Variants in NGEF observed in about 807,000 individuals in gnomAD.
NGEF encodes the protein ephexin-1.
Under a neutral mutation model 80.9 loss-of-function variants are expected in NGEF, and 31 were observed. That is an observed-to-expected ratio of 0.38 (90% CI 0.29 to 0.52). The LOEUF (loss-of-function observed/expected upper bound fraction) is 0.52. Ranked by LOEUF, NGEF falls within the 20% of genes least tolerant of loss-of-function variation. The pLI, the probability that NGEF is intolerant of heterozygous loss-of-function variation, is 0.84. For synonymous variants in NGEF, 371 were observed against 370.2 expected (o/e 1.00, Z -0.03); for missense variants, 709 against 926.2 (o/e 0.77, Z 3.04).
chr2:232,993,161 A>ATT (rs1694696242), intron 1 of NGEF, among the ~76,000 whole-genome samples: 1 of 118,190 alleles, frequency 8.5e-6, no homozygotes, highest in South Asian at 2.4e-4. Flanking sequence ...GCAAATATAT[A>ATT]TATATTATAT....
chr2:232,879,783 G>C lies in NGEF; in HGVS notation c.1943-104C>G, dbSNP rs1559187162. 2.8e-6 allele frequency: 3 copies of C among 1,090,846 alleles called. No homozygotes were observed. In the African/African-American group the frequency reaches 4.7e-5, roughly 17 times the overall value. 67.6% of individuals were successfully genotyped at this position (1,090,846 alleles called of 1,614,324 possible). A position where few individuals can be genotyped will look rare whatever the true frequency, so the allele number is the denominator to read the frequency against. On this transcript the variant is annotated intron_variant, in intron 14 of 14. Coordinates refer to ENST00000264051, the MANE Select transcript of NGEF (RefSeq NM_019850.3). The stretch of plus-strand genomic sequence containing the variant: ...CCCCCATCTGTGGCGGGACACTAGG[G>C]GTCCAGCTGGCCTTTCCCAAAAGGC...
intron 1 of NGEF, among the ~76,000 whole-genome samples, chr2:233,002,196 G>A (rs1322242975): frequency 6.6e-6 from 1 of 152,086 alleles, no homozygotes; most frequent in African/African-American, 2.4e-5. Flanking sequence ...GGAGGGACAC[G>A]AGTCAAACGT....
Position 232,882,171 on chromosome 2 carries a change from C to A in NGEF, c.1837+15G>T, listed in dbSNP as rs1423393809. The A allele has an allele frequency of 6.2e-7, 1 of 1,612,092 alleles. No individual in the cohort carries two copies. The highest frequency in any genetic ancestry group is 1.3e-5 in the African/African-American group (1 of 74,890). On this transcript the variant is annotated intron_variant, in intron 13 of 14. Coordinates refer to ENST00000264051, the MANE Select transcript of NGEF (RefSeq NM_019850.3). ...CCAAGGACAAATGGCGCCCCCTTAC[C>A]CACCGGTGACTTACCCAGCAGCCGG...
intron 2 of NGEF, among the ~76,000 whole-genome samples, chr2:232,972,976 C>T (rs1233242280): frequency 1.3e-5 from 2 of 151,980 alleles, no homozygotes; most frequent in Admixed American, 1.3e-4. Context: ...AGGCTGGTCT[C>T]GAACCCCTGA....
rs761214938 is a variant in NGEF at position 232,974,866 on chromosome 2, A to C, written c.25T>G (p.Leu9Val). The change falls in exon 2 of 15, where the codon TTG becomes GTG. Residue 9 changes from leucine (L) to valine (V), a missense_variant. This residue lies in a region of NGEF where 283 missense variants were observed against 303.4 expected (regional missense o/e 0.93). Coordinates refer to ENST00000264051, the MANE Select transcript of NGEF (RefSeq NM_019850.3). Reference sequence around the variant, plus strand: ...GCTGATTTCCTCCGGGTCTTTTCCAAATCTTCAGATTCCCTGGTCTCCATG... The same window carrying C: ...GCTGATTTCCTCCGGGTCTTTTCCACATCTTCAGATTCCCTGGTCTCCATG... The part of the protein sequence containing the change: METRESED[L>V]EKTRRKSASD... 1 of 1,613,758 alleles carries C rather than the reference A, an allele frequency of 6.2e-7. No individual in the cohort carries two copies. Among genetic ancestry groups the C allele is most frequent in the East Asian group, 2.2e-5 (1 of 44,880 alleles).
chr2:232,920,347 A>G lies in NGEF; in HGVS notation c.765T>C (p.Leu255=). 6.2e-7 allele frequency: 1 copy of G among 1,614,104 alleles called. No homozygotes were observed. The highest frequency in any genetic ancestry group is 8.5e-7 in the Non-Finnish European group (1 of 1,180,020). Residue 255 remains leucine (L), a synonymous_variant, in exon 5 of 15, where the codon CTT becomes CTC. Transcript: ENST00000264051. ...GCACCCCGCTGCTCCGGATCTCGGGAAGATCCTGCCAGAGGTTGAACCTTG... is the reference window on the plus strand; with the variant it reads ...GCACCCCGCTGCTCCGGATCTCGGGGAGATCCTGCCAGAGGTTGAACCTTG... ...PHSRFNLWQD[L]PEIRSSGVLE...
intron 3 of NGEF, among the ~76,000 whole-genome samples, chr2:232,933,111 A>AAAATAAAT (rs60621174): frequency 0.13 from 18,772 of 139,958 alleles, 1,359 homozygotes; most frequent in African/African-American, 0.17. Context: ...CTCCATCTCA[A>AAAATAAAT]AAATAAATAA....
intron 3 of NGEF, among the ~76,000 whole-genome samples, chr2:232,953,070 A>C (rs536784932): frequency 6.7e-6 from 1 of 149,824 alleles, no homozygotes; most frequent in African/African-American, 2.5e-5. Context: ...TTGGGAGGCC[A>C]AGGTGGGCAG....
intron 3 of NGEF, among the ~76,000 whole-genome samples, chr2:232,947,377 T>C (rs536124843): frequency 6.6e-6 from 1 of 152,282 alleles, no homozygotes; most frequent in East Asian, 1.9e-4. Flanking sequence ...TCTGGCTCTG[T>C]GTCCTCACCC....
At chr2:232,946,604 C>T (rs1042269470) in intron 3 of NGEF, among the ~76,000 whole-genome samples, 1 of 152,146 alleles carries the variant, frequency 6.6e-6, no homozygotes, top group African/African-American at 2.4e-5. Flanking sequence ...CCAGTAGTAA[C>T]GAGCACATCT....
At chr2:232,979,199 T>C (rs977393043) in intron 1 of NGEF, among the ~76,000 whole-genome samples, 1 of 151,982 alleles carries the variant, frequency 6.6e-6, no homozygotes, top group Admixed American at 6.5e-5. Flanking sequence ...ATTCTTGACT[T>C]CTAGCTCTCA....
chr2:232,893,185 A>T lies in NGEF; in HGVS notation c.990-135T>A, dbSNP rs191371838. On this transcript the variant is annotated intron_variant, in intron 6 of 14. Transcript: ENST00000264051. ...CACGGTGAGCGTACAGGCCGACAAG[A>T]TCCATCGGCAGGGGCACCGAGCACT... 9.1e-4 allele frequency: 741 copies of T among 816,084 alleles called. 1 individual carries two copies. In the African/African-American group the frequency reaches 0.012, roughly 13 times the overall value. 50.6% of individuals were successfully genotyped at this position (816,084 alleles called of 1,614,324 possible). A position where few individuals can be genotyped will look rare whatever the true frequency, so the allele number is the denominator to read the frequency against.
In NGEF at chr2:232,953,584, G is replaced by A. The variant is rs12991389; in HGVS notation, c.383+16630C>T. ...ATTCCTTTATGAAAATTAGGAAATG[G>A]GATCAAAATCTTCTGTATCCTGGCT... is the stretch of plus-strand genomic sequence containing the variant. On this transcript the variant is annotated intron_variant, in intron 3 of 14. Transcript: ENST00000264051. Among the ~76,000 whole-genome samples, 189 of 152,026 alleles carry A rather than the reference G, an allele frequency of 1.2e-3. 1 individual carries two copies. Among genetic ancestry groups the A allele is most frequent in the Non-Finnish European group, 2.2e-3 (149 of 67,984 alleles).
chr2:232,981,611 G>T (rs368957983), intron 1 of NGEF, among the ~76,000 whole-genome samples: 6 of 152,162 alleles, frequency 3.9e-5, no homozygotes, highest in African/African-American at 1.4e-4. Context: ...AGGAACAGAA[G>T]ACAGCAAGCA....
At chr2:233,000,465 A>C (rs1694948100) in intron 1 of NGEF, among the ~76,000 whole-genome samples, 1 of 151,256 alleles carries the variant, frequency 6.6e-6, no homozygotes, top group Non-Finnish European at 1.5e-5. Flanking sequence ...TTTAAACCTA[A>C]ATGCCGCCAG....
intron 5 of NGEF, among the ~76,000 whole-genome samples, chr2:232,900,571 C>G (rs1197479510): frequency 3.8e-4 from 44 of 116,538 alleles, no homozygotes; most frequent in African/African-American, 6.3e-4. Context: ...CATTCACTCA[C>G]ACACACGCTC....
At chr2:232,900,584 ACAGT>A (rs1307267976) in intron 5 of NGEF, among the ~76,000 whole-genome samples, 3 of 96,756 alleles carry the variant, frequency 3.1e-5, no homozygotes, top group South Asian at 3.6e-4. Flanking sequence ...ACACGCTCTC[ACAGT>A]CACTCATATA....
chr2:232,929,491 C>T (rs1693175408), intron 3 of NGEF, among the ~76,000 whole-genome samples: 1 of 152,220 alleles, frequency 6.6e-6, no homozygotes, highest in Admixed American at 6.5e-5. Flanking sequence ...TGCCACTTAG[C>T]CCTGGTGCCA....
At chr2:233,008,669 A>G (rs1222689523) in intron 1 of NGEF, among the ~76,000 whole-genome samples, 1 of 152,110 alleles carries the variant, frequency 6.6e-6, no homozygotes, top group Non-Finnish European at 1.5e-5. Context: ...TGCAGAGCCT[A>G]TATTTTGAAG....
Sources: gnomAD v4.1 joint callset for allele counts (sites outside exome capture counted in the v4.1 genomes callset) on GRCh38, gnomAD v4.1.1 for gene constraint, gnomAD v4.1.1 regional missense constraint, MANE v1.5 for transcripts, NCBI Gene and HGNC (gene_info 2026-07-23, HGNC 2026-07-21) for gene names.